Variants in MKLN1 observed in about 807,000 individuals in gnomAD.
MKLN1 encodes muskelin 1, also known as muskelin.
A neutral mutation model predicts 99.0 loss-of-function variants in MKLN1; 18 were observed. The observed-to-expected ratio is 0.18, with a 90% CI of 0.13 to 0.27. MKLN1 has a LOEUF of 0.27. MKLN1 is among the 10% of genes least tolerant of loss of function. The pLI is 1.00. For synonymous variants in MKLN1, 288 were observed against 293.2 expected (o/e 0.98, Z 0.18); for missense variants, 621 against 875.9 (o/e 0.71, Z 3.67).
intron 11 of MKLN1, among the ~76,000 whole-genome samples, chr7:131,443,964 C>T (rs1795919230): frequency 6.6e-6 from 1 of 152,122 alleles, no homozygotes; most frequent in African/African-American, 2.4e-5. Context: ...TAGCTATGTT[C>T]CTTTCTTATG....
chr7:131,436,236 CTTAA>C (rs1388499262), intron 9 of MKLN1, among the ~76,000 whole-genome samples: 7 of 152,122 alleles, frequency 4.6e-5, no homozygotes, highest in Non-Finnish European at 7.4e-5. Context: ...CTTCATTTCA[CTTAA>C]TTAATACTGC....
At chr7:131,375,033 G>A (rs1435850616) in intron 1 of MKLN1, among the ~76,000 whole-genome samples, 1 of 150,564 alleles carries the variant, frequency 6.6e-6, no homozygotes, top group African/African-American at 2.4e-5. Flanking sequence ...CTGTGGCCTT[G>A]AACTCTGGGC....
chr7:131,314,491 C>T (rs917646961), intron 3 of MKLN1, among the ~76,000 whole-genome samples: 1 of 152,094 alleles, frequency 6.6e-6, no homozygotes, highest in Non-Finnish European at 1.5e-5. Context: ...GGTACGATCT[C>T]GGCTCACTGC....
At chr7:131,486,455 T>G (rs1797281026) in intron 17 of MKLN1, among the ~76,000 whole-genome samples, 1 of 152,134 alleles carries the variant, frequency 6.6e-6, no homozygotes, top group Non-Finnish European at 1.5e-5. Flanking sequence ...AGGAATGTGC[T>G]GTTCTTGAGG....
At chr7:131,340,558 C>T (rs986538711) in intron 1 of MKLN1, among the ~76,000 whole-genome samples, 2 of 152,056 alleles carry the variant, frequency 1.3e-5, no homozygotes, top group African/African-American at 2.4e-5. Flanking sequence ...GGATTACAGG[C>T]GTGAGCCACC....
chr7:131,376,128 A>ATATATATATG (rs1793649898), intron 2 of MKLN1, among the ~76,000 whole-genome samples: 2 of 5,112 alleles, frequency 3.9e-4, no homozygotes, highest in African/African-American at 6.2e-4. Flanking sequence ...ATATATATAT[A>ATATATATATG]TATATATGTA....
In MKLN1 at chr7:131,411,318, A is replaced by G. The variant is rs1194710221; in HGVS notation, c.716A>G (p.Asn239Ser). Reference protein sequence around the residue: ...IEKAVNDGLFNQYISQQEYKP... With the variant: ...IEKAVNDGLFSQYISQQEYKP... The stretch of plus-strand genomic sequence containing the variant: ...TCAATATTTGCAGATGGCTTGTTCA[A>G]TCAGTATATCAGTCAACAGGAATAT... The change falls in exon 7 of 18, where the codon AAT becomes AGT. Residue 239 changes from asparagine to serine, a missense_variant. By Grantham distance (46) the Asn-to-Ser change is conservative. This residue lies in a region of MKLN1 where 361 missense variants were observed against 540.8 expected (regional missense o/e 0.67). Transcript: ENST00000352689. The G allele has an allele frequency of 6.2e-7, 1 of 1,606,624 alleles. No individual in the cohort carries two copies. The highest frequency in any genetic ancestry group is 1.7e-5 in the Admixed American group (1 of 59,972).
At chr7:131,206,046 A>C (rs1485363823) in intron 3 of MKLN1, among the ~76,000 whole-genome samples, 2 of 152,114 alleles carry the variant, frequency 1.3e-5, no homozygotes, top group African/African-American at 4.8e-5. Context: ...GGTGGGTGCC[A>C]CCATGCCCAG....
At chr7:131,248,073 T>A (rs903221281) in intron 3 of MKLN1, among the ~76,000 whole-genome samples, 1 of 47,360 alleles carries the variant, frequency 2.1e-5, no homozygotes, top group Admixed American at 1.4e-4. Context: ...TAATTACATT[T>A]ATTATTTATT....
At chr7:131,352,867 G>A (rs1799760372) in intron 1 of MKLN1, among the ~76,000 whole-genome samples, 1 of 152,114 alleles carries the variant, frequency 6.6e-6, no homozygotes, top group African/African-American at 2.4e-5. Flanking sequence ...CATTTGCATG[G>A]TTTCAGATTT....
At chr7:131,150,269 T>G (rs1795870309) in intron 2 of MKLN1, among the ~76,000 whole-genome samples, 1 of 152,012 alleles carries the variant, frequency 6.6e-6, no homozygotes, top group Non-Finnish European at 1.5e-5. Context: ...CAACTTAATC[T>G]CTCTCTAAAA....
chr7:131,330,903 G>A (rs1260154416), intron 1 of MKLN1, among the ~76,000 whole-genome samples: 2 of 151,896 alleles, frequency 1.3e-5, no homozygotes, highest in Non-Finnish European at 2.9e-5. Context: ...CTAAAAAAAG[G>A]CCTTTTATTT....
At chr7:131,391,815 G>A (rs964669436) in intron 4 of MKLN1, among the ~76,000 whole-genome samples, 6 of 152,158 alleles carry the variant, frequency 3.9e-5, no homozygotes, top group Non-Finnish European at 8.8e-5. Flanking sequence ...AGAAATGATT[G>A]CATTTTGGAT....
At chr7:131,307,753 G>GT (rs1016456725) in intron 3 of MKLN1, among the ~76,000 whole-genome samples, 2 of 152,108 alleles carry the variant, frequency 1.3e-5, no homozygotes, top group Admixed American at 6.5e-5. Context: ...TAACTAACTT[G>GT]TTTTTTTATT....
At chr7:131,172,135 A>T (rs1294541663) in intron 2 of MKLN1, among the ~76,000 whole-genome samples, 1 of 151,768 alleles carries the variant, frequency 6.6e-6, no homozygotes, top group Non-Finnish European at 1.5e-5. Flanking sequence ...ATTTATTTTT[A>T]TTTTATTTTA....
At chr7:131,137,295 A>G (rs564730363) in intron 1 of MKLN1, among the ~76,000 whole-genome samples, 1 of 152,312 alleles carries the variant, frequency 6.6e-6, no homozygotes, top group East Asian at 1.9e-4. Context: ...TTACCCCCCA[A>G]ATTGAAGCTA....
chr7:131,244,721 A>G (rs1797459196), intron 3 of MKLN1, among the ~76,000 whole-genome samples: 1 of 152,044 alleles, frequency 6.6e-6, no homozygotes, highest in Non-Finnish European at 1.5e-5. Context: ...CCTCAAAAGG[A>G]CTTTGGTGGC....
intron 1 of MKLN1, among the ~76,000 whole-genome samples, chr7:131,338,672 G>C (rs1365361007): frequency 1.3e-5 from 2 of 152,144 alleles, no homozygotes; most frequent in East Asian, 3.8e-4. Context: ...AGGCCTGTGA[G>C]TTTCTCATGG....
At chr7:131,294,934 G>A (rs1798269043) in intron 3 of MKLN1, among the ~76,000 whole-genome samples, 1 of 152,114 alleles carries the variant, frequency 6.6e-6, no homozygotes, top group African/African-American at 2.4e-5. Context: ...ATCTCGTGAG[G>A]CTAGCAGGTC....
Sources: gnomAD v4.1 joint callset for allele counts (sites outside exome capture counted in the v4.1 genomes callset) on GRCh38, gnomAD v4.1.1 for gene constraint, gnomAD v4.1.1 regional missense constraint, MANE v1.5 for transcripts, NCBI Gene and HGNC (gene_info 2026-07-23, HGNC 2026-07-21) for gene names.